Variants in KCTD8 observed in about 807,000 individuals in gnomAD.
KCTD8 encodes BTB/POZ domain-containing protein KCTD8.
Under a neutral mutation model 31.5 loss-of-function variants are expected in KCTD8, and 27 were observed. That is an observed-to-expected ratio of 0.86 (90% CI 0.63 to 1.18). The LOEUF (loss-of-function observed/expected upper bound fraction) is 1.18, where lower values mean the gene tolerates loss of function less well. Among genes scored for constraint, KCTD8 ranks in the 50% most tolerant of loss-of-function variants. The probability of loss-of-function intolerance (pLI) is 0.00; values close to 1 mark genes in which losing one functional copy is unlikely to be tolerated. For missense variants in KCTD8, 658 were observed against 647.7 expected, an observed-to-expected ratio of 1.02 and a Z score of -0.17; for synonymous variants, 290 against 280.0, an observed-to-expected ratio of 1.04 and a Z score of -0.36.
chr4:44,327,950 A>T (rs1718493262), intron 1 of KCTD8, among the ~76,000 whole-genome samples: 1 of 151,910 alleles, frequency 6.6e-6, no homozygotes, highest in Non-Finnish European at 1.5e-5. Flanking sequence ...TAAAATACTA[A>T]CTTCCAAAGC....
At chr4:44,404,559 G>A (rs545336241) in intron 1 of KCTD8, among the ~76,000 whole-genome samples, 16 of 152,248 alleles carry the variant, frequency 1.1e-4, no homozygotes, top group Non-Finnish European at 1.9e-4. Context: ...GAGCTTTCCT[G>A]AAACATCAGC....
intron 1 of KCTD8, among the ~76,000 whole-genome samples, chr4:44,257,291 T>C (rs1455237968): frequency 2.6e-5 from 4 of 151,946 alleles, no homozygotes; most frequent in African/African-American, 9.7e-5. Context: ...ACAGGGAAAA[T>C]TAAAATATGT....
chr4:44,301,679 C>G (rs1233745317), intron 1 of KCTD8, among the ~76,000 whole-genome samples: 1 of 152,154 alleles, frequency 6.6e-6, no homozygotes, highest in African/African-American at 2.4e-5. Flanking sequence ...CCTGTTCACT[C>G]TAATGGTAGT....
chr4:44,232,784 A>G (rs1715162316), intron 1 of KCTD8, among the ~76,000 whole-genome samples: 1 of 152,110 alleles, frequency 6.6e-6, no homozygotes, highest in Non-Finnish European at 1.5e-5. Context: ...AAGTTGAGAT[A>G]TAAGTACATT....
intron 1 of KCTD8, among the ~76,000 whole-genome samples, chr4:44,398,593 T>C (rs1490952341): frequency 1.3e-5 from 2 of 152,120 alleles, no homozygotes; most frequent in Admixed American, 6.5e-5. Flanking sequence ...TTCAACTCTA[T>C]CATTTTAGGT....
At chr4:44,329,532 A>T (rs1180604008) in intron 1 of KCTD8, among the ~76,000 whole-genome samples, 1 of 151,994 alleles carries the variant, frequency 6.6e-6, no homozygotes, top group Non-Finnish European at 1.5e-5. Context: ...AGTTTTGTAT[A>T]TATAAGCTGT....
intron 1 of KCTD8, among the ~76,000 whole-genome samples, chr4:44,284,238 G>T (rs978175984): frequency 6.6e-6 from 1 of 151,530 alleles, no homozygotes; most frequent in African/African-American, 2.5e-5. Flanking sequence ...TTTACTACAA[G>T]GGTACAGTAA....
At chr4:44,348,519 A>G (rs1195724666) in intron 1 of KCTD8, among the ~76,000 whole-genome samples, 1 of 152,186 alleles carries the variant, frequency 6.6e-6, no homozygotes, top group Non-Finnish European at 1.5e-5. Context: ...TGTTTTTTTG[A>G]TCAATGATAT....
intron 1 of KCTD8, among the ~76,000 whole-genome samples, chr4:44,283,023 A>ATTT (rs1243575958): frequency 1.6e-4 from 22 of 134,488 alleles, no homozygotes; most frequent in African/African-American, 5.4e-4. Context: ...AAAACAACAC[A>ATTT]TTTTATTATT....
intron 1 of KCTD8, among the ~76,000 whole-genome samples, chr4:44,240,249 C>T (rs80282725): frequency 0.01 from 1,529 of 152,284 alleles, 39 homozygotes; most frequent in African/African-American, 0.036. Flanking sequence ...GTGAGTTTTA[C>T]ATGATTTGTT....
At chr4:44,176,532 AAAAAACCTTTTCTT>A (rs911109055) in intron 1 of KCTD8, among the ~76,000 whole-genome samples, 67 of 152,378 alleles carry the variant, frequency 4.4e-4, no homozygotes, top group African/African-American at 1.6e-3. Flanking sequence ...ATTAAGAGAT[AAAAAACCTTTTCTT>A]AAAAGCAGCT....
chr4:44,375,738 G>A (rs1221879993), intron 1 of KCTD8, among the ~76,000 whole-genome samples: 1 of 152,160 alleles, frequency 6.6e-6, no homozygotes, highest in Non-Finnish European at 1.5e-5. Context: ...CTACTGGGAA[G>A]GCAGAACAGA....
intron 1 of KCTD8, among the ~76,000 whole-genome samples, chr4:44,409,585 C>T (rs1005414659): frequency 1.3e-5 from 2 of 151,966 alleles, no homozygotes; most frequent in Non-Finnish European, 2.9e-5. Context: ...ATACCTGTGG[C>T]TTACACAAAA....
At chr4:44,411,851 T>A (rs115791243) in intron 1 of KCTD8, among the ~76,000 whole-genome samples, 2,819 of 152,066 alleles carry the variant, frequency 0.019, 77 homozygotes, top group African/African-American at 0.065. Flanking sequence ...GGAAGAGGCA[T>A]GGAAGGATTC....
intron 1 of KCTD8, among the ~76,000 whole-genome samples, chr4:44,424,147 C>T (rs1721289046): frequency 6.6e-6 from 1 of 151,986 alleles, no homozygotes; most frequent in Non-Finnish European, 1.5e-5. Context: ...TGTGTAAAAT[C>T]AACGGGGTGA....
In KCTD8 at chr4:44,302,570, T is replaced by C. The variant is rs575278910; in HGVS notation, c.962-127320A>G. 1.5e-4 allele frequency among the ~76,000 whole-genome samples: 23 copies of C among 152,236 alleles called. 2 individuals are homozygous for C. In the South Asian group the frequency reaches 4.6e-3, roughly 30 times the overall value. On this transcript the variant is annotated intron_variant, in intron 1 of 1. Transcript: ENST00000360029. ...TTGTGATTTTTGTACATTGATTTTGTATCCTGAGACTTTGCTGAAGTTACT... is the reference window on the plus strand; with the variant it reads ...TTGTGATTTTTGTACATTGATTTTGCATCCTGAGACTTTGCTGAAGTTACT...
intron 1 of KCTD8, among the ~76,000 whole-genome samples, chr4:44,372,682 C>G (rs1345879764): frequency 6.6e-6 from 1 of 152,134 alleles, no homozygotes; most frequent in African/African-American, 2.4e-5. Context: ...ACATACTTCA[C>G]TCTTTCAGAA....
At chr4:44,283,637 T>C (rs1716966342) in intron 1 of KCTD8, among the ~76,000 whole-genome samples, 1 of 152,114 alleles carries the variant, frequency 6.6e-6, no homozygotes, top group Admixed American at 6.6e-5. Flanking sequence ...TGGTTTACTA[T>C]TTTAAGCCCA....
intron 1 of KCTD8, among the ~76,000 whole-genome samples, chr4:44,396,403 C>T (rs1720505227): frequency 6.6e-6 from 1 of 151,984 alleles, no homozygotes; most frequent in Non-Finnish European, 1.5e-5. Flanking sequence ...GACCACTGCA[C>T]TATAGAGTGC....
Sources: gnomAD v4.1 joint callset for allele counts (sites outside exome capture counted in the v4.1 genomes callset) on GRCh38, gnomAD v4.1.1 for gene constraint, MANE v1.5 for transcripts, NCBI Gene and HGNC (gene_info 2026-07-23, HGNC 2026-07-21) for gene names.